The following ATP8A1 variants were observed in gnomAD, a reference collection of about 807,000 sequenced individuals.
ATP8A1 encodes the protein ATPase phospholipid transporting 8A1, also known as phospholipid-transporting ATPase IA.
ATP8A1 carries 90 observed loss-of-function variants against 177.7 expected under a neutral mutation model. The observed-to-expected ratio is 0.51, with a 90% CI of 0.43 to 0.60. The LOEUF (loss-of-function observed/expected upper bound fraction) is 0.60, where lower values mean the gene tolerates loss of function less well. ATP8A1 is among the 20% of genes least tolerant of loss of function. The pLI is 0.00. For synonymous variants in ATP8A1, 493 were observed against 485.9 expected, an observed-to-expected ratio of 1.01 and a Z score of -0.19; for missense variants, 1,072 against 1,392.8, an observed-to-expected ratio of 0.77 and a Z score of 3.67.
Position 42,586,411 on chromosome 4 carries a change from C to A in ATP8A1, c.660G>T (p.Glu220Asp), listed in dbSNP as rs1724582955. The A allele has an allele frequency of 1.2e-6, 2 of 1,614,132 alleles. No individual in the cohort carries two copies. Among genetic ancestry groups the A allele is most frequent in the Non-Finnish European group, 1.7e-6 (2 of 1,179,976 alleles). ...DSLMRISGRI[E>D]CESPNRHLYD... Reference sequence around the variant, plus strand: ...AGAGATGTCTGTTTGGACTTTCACACTCAATTCTGCCAGAAATCCTCATCA... The same window carrying A: ...AGAGATGTCTGTTTGGACTTTCACAATCAATTCTGCCAGAAATCCTCATCA... Residue 220 changes from glutamate to aspartate, a missense_variant, in exon 9 of 37, where the codon GAG becomes GAT. By Grantham distance (45) the Glu-to-Asp change is conservative. Transcript: ENST00000381668.
rs1198765246 is a variant in ATP8A1 at position 42,656,989 on chromosome 4, C to G, written c.-116G>C. ...CGCTCAGCTGCAGCCTGGGCCGCGC[C>G]GCCGCCCACCTAGGGCAGAGCTGCC... is the stretch of plus-strand genomic sequence containing the variant. On this transcript the variant is annotated 5_prime_UTR_variant, in exon 1 of 37. Coordinates refer to ENST00000381668, the MANE Select transcript of ATP8A1 (RefSeq NM_006095.2). 11 of 1,121,348 alleles carry G rather than the reference C, an allele frequency of 9.8e-6. No homozygotes were observed. The highest frequency in any genetic ancestry group is 1.3e-5 in the Non-Finnish European group (11 of 874,380). 69.5% of individuals were successfully genotyped at this position (1,121,348 alleles called of 1,614,324 possible).
intron 2 of ATP8A1, chr4:42,626,019 C>A: frequency 5.4e-6 from 1 of 186,454 alleles, no homozygotes. Flanking sequence ...TTAAAGGGCT[C>A]CAGCCCTCCA....
At chr4:42,515,330 A>T (rs930665762) in intron 22 of ATP8A1, among the ~76,000 whole-genome samples, 5 of 152,250 alleles carry the variant, frequency 3.3e-5, no homozygotes, top group African/African-American at 1.2e-4. Context: ...TAGATGTGGT[A>T]GTTTTATCTG....
At chr4:42,586,187 T>A (rs1201514522) in intron 9 of ATP8A1, among the ~76,000 whole-genome samples, 162 bp downstream of exon 9, 3 of 152,174 alleles carry the variant, frequency 2.0e-5, no homozygotes, top group African/African-American at 7.2e-5. Context: ...AGATTCAACA[T>A]CTTCACAGAA....
At chr4:42,561,420 C>T (rs533704852) in intron 15 of ATP8A1, 1 of 152,434 alleles carries the variant, frequency 6.6e-6, no homozygotes, top group Admixed American at 6.5e-5. Flanking sequence ...GGGAAAAGGC[C>T]TGAGGTCAGC....
chr4:42,423,802 TATC>T lies in ATP8A1; in HGVS notation c.3124-100_3124-98del, dbSNP rs1484651701. On this transcript the variant is annotated intron_variant, in intron 33 of 36. Transcript: ENST00000381668. ...TTTTTAAGTGAAACAATTTTAAGAA[TATC>T]ATTCTGTAAGAGAGTATACAACTCT... The T allele has an allele frequency of 6.5e-6, 5 of 766,106 alleles. No homozygotes were observed. The African/African-American group carries it at 7.0e-5, about 11-fold the overall frequency. The allele number at this position is 766,106 out of a possible 1,614,324, so 47.5% of individuals were successfully genotyped here. A position where few individuals can be genotyped will look rare whatever the true frequency, so the allele number is the denominator to read the frequency against.
chr4:42,618,778 T>C (rs912327247), intron 4 of ATP8A1, among the ~76,000 whole-genome samples: 3 of 152,230 alleles, frequency 2.0e-5, no homozygotes, highest in East Asian at 1.9e-4. Context: ...TCAGTTTTAC[T>C]CTTAAAAATG....
chr4:42,461,244 C>CTTTTTTTTTTTTTTTTT lies in ATP8A1; in HGVS notation c.2619+3445_2619+3446insAAAAAAAAAAAAAAAAA, dbSNP rs777847439. Among the ~76,000 whole-genome samples, 46 of 84,518 alleles carry CTTTTTTTTTTTTTTTTT rather than the reference C, an allele frequency of 5.4e-4. 2 individuals are homozygous for CTTTTTTTTTTTTTTTTT. Among genetic ancestry groups the CTTTTTTTTTTTTTTTTT allele is most frequent in the Non-Finnish European group, 7.9e-4 (34 of 43,110 alleles). The allele number at this position is 84,518 out of a possible 152,430, so 55.4% of individuals were successfully genotyped here. On this transcript the variant is annotated intron_variant, in intron 27 of 36. Coordinates refer to ENST00000381668, the MANE Select transcript of ATP8A1 (RefSeq NM_006095.2). ...TAAAATATACTGAGATCAATTTTTT[C>CTTTTTTTTTTTTTTTTT]TTTCTTTTTTTTTTTTTTGCTTTTT...
chr4:42,511,951 T>C (rs1725048626), intron 22 of ATP8A1, among the ~76,000 whole-genome samples: 1 of 152,182 alleles, frequency 6.6e-6, no homozygotes, highest in South Asian at 2.1e-4. Flanking sequence ...GTAATATTAT[T>C]AAACCAAATT....
At chr4:42,530,465 C>T (rs1727151620) in intron 20 of ATP8A1, among the ~76,000 whole-genome samples, 1 of 152,212 alleles carries the variant, frequency 6.6e-6, no homozygotes, top group Non-Finnish European at 1.5e-5. Context: ...CAAGATCTTC[C>T]ACACAGTACT....
intron 4 of ATP8A1, among the ~76,000 whole-genome samples, chr4:42,618,035 T>C (rs1737088927): frequency 6.6e-6 from 1 of 152,210 alleles, no homozygotes; most frequent in South Asian, 2.1e-4. Flanking sequence ...ATTCATTTAC[T>C]ATCACTGAGG....
intron 12 of ATP8A1, 131 bp downstream of exon 12, chr4:42,578,129 T>C (rs563854768): frequency 2.3e-6 from 2 of 878,750 alleles, no homozygotes; most frequent in Non-Finnish European, 3.2e-6. Flanking sequence ...TGCAACAAAT[T>C]AGGTTCAAAA....
chr4:42,615,597 T>C (rs1736824384), intron 5 of ATP8A1, among the ~76,000 whole-genome samples: 2 of 152,238 alleles, frequency 1.3e-5, no homozygotes, highest in Non-Finnish European at 2.9e-5. Context: ...TGTATTTGTT[T>C]TATTTCTGGA....
chr4:42,656,805 G>A lies in ATP8A1; in HGVS notation c.49+20C>T. ...CGCTTCCCGACCCCGGGCTAGCCCC[G>A]AGCCTCGGCGGCCCCTTACCTTCGG... On this transcript the variant is annotated intron_variant, in intron 1 of 36. Transcript: ENST00000381668. 1 of 1,553,420 alleles carries A rather than the reference G, an allele frequency of 6.4e-7. No homozygotes were observed. The highest frequency in any genetic ancestry group is 8.7e-7 in the Non-Finnish European group (1 of 1,148,068).
intron 20 of ATP8A1, among the ~76,000 whole-genome samples, chr4:42,529,220 G>A (rs1009953500): frequency 1.3e-5 from 2 of 152,170 alleles, no homozygotes; most frequent in South Asian, 2.1e-4. Flanking sequence ...AGTGGCAGAC[G>A]GGGATGCTGT....
At chr4:42,544,029 A>G (rs1453970223) in intron 19 of ATP8A1, 43 bp from the exon 20 acceptor site, 1 of 1,463,316 alleles carries the variant, frequency 6.8e-7, no homozygotes, top group Non-Finnish European at 9.5e-7. Flanking sequence ...CATACCAAGG[A>G]TATGCATGTA....
chr4:42,585,059 A>C (rs577525569), intron 9 of ATP8A1, among the ~76,000 whole-genome samples: 1 of 152,152 alleles, frequency 6.6e-6, no homozygotes, highest in African/African-American at 2.4e-5. Flanking sequence ...CCACTTGAAG[A>C]TCATGTAATG....
chr4:42,549,516 C>T (rs1220081705), intron 18 of ATP8A1, among the ~76,000 whole-genome samples: 1 of 152,022 alleles, frequency 6.6e-6, no homozygotes, highest in Admixed American at 6.6e-5. Context: ...GTGGCCAGGT[C>T]TGGTGGCCAT....
intron 33 of ATP8A1, among the ~76,000 whole-genome samples, chr4:42,433,325 G>A (rs1049393075): frequency 6.6e-6 from 1 of 152,116 alleles, no homozygotes. Flanking sequence ...AACAGCTAGC[G>A]TCTTACATCC....
Sources: gnomAD v4.1 joint callset for allele counts (sites outside exome capture counted in the v4.1 genomes callset) on GRCh38, gnomAD v4.1.1 for gene constraint, MANE v1.5 for transcripts, NCBI Gene and HGNC (gene_info 2026-07-23, HGNC 2026-07-21) for gene names.